The following NEMP2 variants were observed in gnomAD, a reference collection of about 807,000 sequenced individuals.
The protein encoded by NEMP2 is nuclear envelope integral membrane protein 2.
NEMP2 carries 53 observed loss-of-function variants against 54.2 expected under a neutral mutation model. The ratio of observed to expected loss-of-function variants is 0.98; its 90% CI spans 0.78 to 1.23. The LOEUF (loss-of-function observed/expected upper bound fraction) is 1.23, where lower values mean the gene tolerates loss of function less well. Ranked by LOEUF, NEMP2 falls within the 50% of genes most tolerant of loss-of-function variation. NEMP2 has a pLI of 0.00. For synonymous variants in NEMP2, 197 were observed against 190.3 expected (o/e 1.04, Z -0.29); for missense variants, 455 against 511.3 (o/e 0.89, Z 1.06).
the NEMP2 span, among the ~76,000 whole-genome samples, chr2:190,479,401 G>A: frequency 6.6e-6 from 1 of 152,182 alleles, no homozygotes; most frequent in African/African-American, 2.4e-5. Flanking sequence ...GAGACAGGGA[G>A]TCTACGTGCC....
At position 190,534,576 on chromosome 2, in the gene NEMP2, G is replaced by A. The variant is rs1374240226; in HGVS notation, c.80C>T (p.Ala27Val). 1.7e-5 allele frequency: 24 copies of A among 1,400,120 alleles called. No homozygotes were observed. The highest frequency in any genetic ancestry group is 4.6e-5 in the South Asian group (3 of 65,008). The allele number at this position is 1,400,120 out of a possible 1,614,324, so 86.7% of individuals were successfully genotyped here. A position where few individuals can be genotyped will look rare whatever the true frequency, so the allele number is the denominator to read the frequency against. The change falls in exon 1 of 9, where the codon GCG (alanine) becomes GTG (valine). Residue 27 changes from alanine (A) to valine (V), a missense_variant. Physicochemically the swap from Ala to Val is moderately conservative, Grantham distance 64 (BLOSUM62 0). Around this residue, in one of 3 missense-constraint regions of NEMP2, gnomAD observed 100 missense variants for 80.2 expected, o/e 1.25. Transcript: ENST00000409150. The part of the protein sequence containing the change: ...LATLPVRGEA[A>V]AAALSVRRCK... ...CGGGTTACCTGATAACGCTGCCGCC[G>A]CCGCCTCCCCGCGCACGGGCAGTGT...
the NEMP2 span, among the ~76,000 whole-genome samples, chr2:190,435,611 T>A: frequency 6.6e-6 from 1 of 150,594 alleles, no homozygotes; most frequent in East Asian, 2.0e-4. Flanking sequence ...GTGGATTTGT[T>A]TGAACAGTAA....
the NEMP2 span, among the ~76,000 whole-genome samples, chr2:190,449,676 A>G: frequency 6.6e-6 from 1 of 152,208 alleles, no homozygotes; most frequent in Non-Finnish European, 1.5e-5. Context: ...ATGAAATACT[A>G]TGCAGCCATA....
the NEMP2 span, among the ~76,000 whole-genome samples, chr2:190,577,667 G>T: frequency 6.6e-6 from 1 of 152,272 alleles, no homozygotes; most frequent in Non-Finnish European, 1.5e-5. The surrounding 1 kb of genome is among the most constrained non-coding windows in gnomAD (Gnocchi z 4.8). Context: ...CCTGAGGTCA[G>T]GAGTTCAAGA....
the NEMP2 span, among the ~76,000 whole-genome samples, chr2:190,547,825 C>T: frequency 2.0e-5 from 3 of 152,068 alleles, no homozygotes; most frequent in Non-Finnish European, 2.9e-5. This position sits in a 1 kb window ranked among gnomAD's most constrained non-coding sequence, Gnocchi z 6.2. Flanking sequence ...TGTGAGCCAC[C>T]GTGCCCATCC....
At chr2:190,427,371 A>G in the NEMP2 span, among the ~76,000 whole-genome samples, 1 of 152,100 alleles carries the variant, frequency 6.6e-6, no homozygotes, top group Non-Finnish European at 1.5e-5. Context: ...AGGAGTGGGA[A>G]TAGGGTTATG....
chr2:190,474,075 G>C, the NEMP2 span, among the ~76,000 whole-genome samples: 1 of 152,114 alleles, frequency 6.6e-6, no homozygotes, highest in Non-Finnish European at 1.5e-5. Context: ...AGTGTGTAGA[G>C]GGAAATTTAT....
At chr2:190,473,684 AT>A in the NEMP2 span, among the ~76,000 whole-genome samples, 3 of 152,230 alleles carry the variant, frequency 2.0e-5, no homozygotes, top group Non-Finnish European at 4.4e-5. Flanking sequence ...GTCAGTAAGG[AT>A]ATCCAGGAAT....
chr2:190,547,210 T>C, the NEMP2 span, among the ~76,000 whole-genome samples: 1 of 152,168 alleles, frequency 6.6e-6, no homozygotes, highest in African/African-American at 2.4e-5. The surrounding 1 kb of genome is among the most constrained non-coding windows in gnomAD (Gnocchi z 6.2). Context: ...AGTGGTTTCA[T>C]AGAAGACAAA....
At chr2:190,450,996 A>G in the NEMP2 span, among the ~76,000 whole-genome samples, 1 of 152,230 alleles carries the variant, frequency 6.6e-6, no homozygotes, top group Non-Finnish European at 1.5e-5. Flanking sequence ...CCATTGGCCA[A>G]GCATTTCATT....
At chr2:190,555,562 A>C in the NEMP2 span, among the ~76,000 whole-genome samples, 1 of 152,010 alleles carries the variant, frequency 6.6e-6, no homozygotes, top group African/African-American at 2.4e-5. The surrounding 1 kb of genome is among the most constrained non-coding windows in gnomAD (Gnocchi z 4.8). Flanking sequence ...AAGCAGAAGA[A>C]AGGATATCAG....
the NEMP2 span, among the ~76,000 whole-genome samples, chr2:190,470,518 C>G: frequency 6.6e-6 from 1 of 152,160 alleles, no homozygotes. Flanking sequence ...CTGACCACAT[C>G]CTGAAAAGTC....
the NEMP2 span, among the ~76,000 whole-genome samples, chr2:190,595,586 C>T: frequency 3.7e-4 from 57 of 152,020 alleles, no homozygotes; most frequent in Non-Finnish European, 5.7e-4. This position sits in a 1 kb window ranked among gnomAD's most constrained non-coding sequence, Gnocchi z 4.0. Context: ...AAAAAGTGTG[C>T]GAAGGATATA....
the NEMP2 span, among the ~76,000 whole-genome samples, chr2:190,590,585 G>A: frequency 6.6e-6 from 1 of 152,142 alleles, no homozygotes; most frequent in African/African-American, 2.4e-5. The surrounding 1 kb of genome is among the most constrained non-coding windows in gnomAD (Gnocchi z 5.1). Context: ...ATCATTCAAT[G>A]CCAGTCTTAC....
the NEMP2 span, among the ~76,000 whole-genome samples, chr2:190,543,192 G>C: frequency 6.6e-6 from 1 of 152,210 alleles, no homozygotes; most frequent in Non-Finnish European, 1.5e-5. This position sits in a 1 kb window ranked among gnomAD's most constrained non-coding sequence, Gnocchi z 4.7. Context: ...AGGTCCCAAA[G>C]TGGGTAGCCT....
intron 2 of NEMP2, among the ~76,000 whole-genome samples, chr2:190,524,084 C>A (rs1690847586): frequency 6.6e-6 from 1 of 150,796 alleles, no homozygotes; most frequent in Admixed American, 6.6e-5. Context: ...TGACAGTGCA[C>A]ACCTTTCAAG....
the NEMP2 span, among the ~76,000 whole-genome samples, chr2:190,613,759 T>A: frequency 6.6e-6 from 1 of 152,202 alleles, no homozygotes; most frequent in East Asian, 1.9e-4. Flanking sequence ...GGCTAATTTT[T>A]AAAATATTTT....
At chr2:190,556,520 G>A in the NEMP2 span, among the ~76,000 whole-genome samples, 1 of 152,158 alleles carries the variant, frequency 6.6e-6, no homozygotes, top group Non-Finnish European at 1.5e-5. Flanking sequence ...ATTTGATTAG[G>A]AAGAGAGGAA....
At chr2:190,430,827 G>A in the NEMP2 span, among the ~76,000 whole-genome samples, 14 of 143,690 alleles carry the variant, frequency 9.7e-5, no homozygotes, top group Admixed American at 1.4e-4. Flanking sequence ...CGGACGGGGC[G>A]GCCGGCCGGG....
Sources: gnomAD v4.1 joint callset for allele counts (sites outside exome capture counted in the v4.1 genomes callset) on GRCh38, gnomAD v4.1.1 for gene constraint, gnomAD v4.1.1 regional missense constraint, Gnocchi (gnomAD v3.1) non-coding constraint, MANE v1.5 for transcripts, NCBI Gene and HGNC (gene_info 2026-07-23, HGNC 2026-07-21) for gene names.